CIC: variants seen among roughly 807,000 people sequenced by gnomAD.
The protein encoded by CIC is protein capicua homolog.
CIC carries 18 observed loss-of-function variants against 115.7 expected under a neutral mutation model. The observed-to-expected ratio is 0.16, with a 90% CI of 0.11 to 0.23. CIC has a LOEUF of 0.23. Among genes scored for constraint, CIC ranks in the 10% least tolerant of loss-of-function variants. The pLI is 1.00. For synonymous variants in CIC, 1,076 were observed against 923.0 expected, an observed-to-expected ratio of 1.17 and a Z score of -3.01; for missense variants, 2,000 against 2,159.3, an observed-to-expected ratio of 0.93 and a Z score of 1.46.
rs1173528428 is a variant in CIC, at chr19:42,290,339, T to C, written c.4298T>C (p.Phe1433Ser). The C allele has an allele frequency of 6.2e-7, 1 of 1,613,964 alleles. No individual in the cohort carries two copies. Among genetic ancestry groups the C allele is most frequent in the Non-Finnish European group, 8.5e-7 (1 of 1,179,968 alleles). ...GGGCCCCCGGATCCTCCTGTAGCCT[T>C]TGGCAAAGGCTATGGTTCCGCCCCA... is the stretch of plus-strand genomic sequence containing the variant. ...PPGPPDPPVA[F>S]GKGYGSAPSS... is the part of the protein sequence containing the mutation. The change falls in exon 11 of 21, where the codon TTT (phenylalanine) becomes TCT (serine). Residue 1433 changes from phenylalanine (F) to serine (S), a missense_variant. This residue lies in a region of CIC where 1,466 missense variants were observed against 1,390.4 expected (regional missense o/e 1.05). Coordinates refer to ENST00000681038, the MANE Select transcript of CIC (RefSeq NM_001386298.1).
chr19:42,285,708 C>A (rs746234258), intron 2 of CIC, among the ~76,000 whole-genome samples: 19 of 152,200 alleles, frequency 1.2e-4, no homozygotes, highest in Admixed American at 1.2e-3. Flanking sequence ...GGGCCTCTCT[C>A]CTCTGCTGGT....
rs924758981 is a variant in CIC at position 42,292,969 on chromosome 19, C to T, written c.6210C>T (p.Thr2070=). The T allele has an allele frequency of 4.3e-6, 7 of 1,613,864 alleles. No individual in the cohort carries two copies. Among genetic ancestry groups the T allele is most frequent in the Non-Finnish European group, 5.9e-6 (7 of 1,180,026 alleles). Residue 2070 remains threonine (T), a synonymous_variant, in exon 16 of 21, where the codon ACC becomes ACT. Transcript: ENST00000681038. ...TCTCCCCACTAGCAGGTTCCATGAC[C>T]TACAGCTTAGTGGCCCCCAAGGCCC... is the stretch of plus-strand genomic sequence containing the variant. ...PFPSATAGSM[T]YSLVAPKAQR...
Position 42,295,284 on chromosome 19 carries a change from C to A in CIC, c.*93C>A. 8.7e-7 allele frequency: 1 copy of A among 1,155,402 alleles called. No individual in the cohort carries two copies. Among genetic ancestry groups the A allele is most frequent in the Non-Finnish European group, 1.2e-6 (1 of 813,218 alleles). 71.6% of individuals were successfully genotyped at this position (1,155,402 alleles called of 1,614,324 possible). A position where few individuals can be genotyped will look rare whatever the true frequency, so the allele number is the denominator to read the frequency against. On this transcript the variant is annotated 3_prime_UTR_variant, in exon 21 of 21. Transcript: ENST00000681038. The stretch of plus-strand genomic sequence containing the variant: ...AAGGTTATCTCCTCCCGGGTAAAGC[C>A]ATTTCGTCCTCTCCAGTTTGGGGCG...
At chr19:42,288,792 C>G in intron 7 of CIC, 96 bp from the exon 8 acceptor site, 1 of 1,125,792 alleles carries the variant, frequency 8.9e-7, no homozygotes, top group Non-Finnish European at 1.3e-6. Flanking sequence ...CAGCCTGCTT[C>G]TGCCTAGTAC....
chr19:42,290,507 G>T lies in CIC; in HGVS notation c.4466G>T (p.Gly1489Val), dbSNP rs1480009243. ...PLRPPPPGAG[G>V]PATPSKATRF... ...CGGCCCCCACCCCCTGGGGCTGGGG[G>T]TCCAGCGACACCTTCCAAGGCAACC... Residue 1489 changes from glycine to valine, a missense_variant, in exon 11 of 21, where the codon GGT (glycine) becomes GTT (valine). Gly to Val is a moderately radical substitution (Grantham distance 109, BLOSUM62 -3). Coordinates refer to ENST00000681038, the MANE Select transcript of CIC (RefSeq NM_001386298.1). 4 of 1,613,472 alleles carry T rather than the reference G, an allele frequency of 2.5e-6. No homozygotes were observed. Among genetic ancestry groups the T allele is most frequent in the East Asian group, 2.2e-5 (1 of 44,866 alleles).
rs2036833463 is a variant in CIC, at chr19:42,272,713, A to C, written c.930A>C (p.Leu310=). ...CTGGCCCCAGCTCCCAGCCAGGCCTACCAGGCAGCCTCCCGCAGCCCCCAC... is the reference window on the plus strand; with the variant it reads ...CTGGCCCCAGCTCCCAGCCAGGCCTCCCAGGCAGCCTCCCGCAGCCCCCAC... ...LSPGPSSQPG[L]PGSLPQPPQP... is the part of the protein sequence containing the mutation. The change falls in exon 2 of 21, where the codon CTA becomes CTC. Residue 310 remains leucine, a synonymous_variant. Coordinates refer to ENST00000681038, the MANE Select transcript of CIC (RefSeq NM_001386298.1). The C allele has an allele frequency of 1.0e-5, 4 of 398,668 alleles. No homozygotes were observed. The highest frequency in any genetic ancestry group is 1.8e-5 in the Non-Finnish European group (4 of 226,282). The allele number at this position is 398,668 out of a possible 1,614,324, so 24.7% of individuals were successfully genotyped here.
chr19:42,289,987 T>G, intron 10 of CIC, 36 bp downstream of exon 10: 1 of 1,525,128 alleles, frequency 6.6e-7, no homozygotes, highest in South Asian at 1.2e-5. Context: ...CCCATCACAC[T>G]CCCTCCTAAG....
Position 42,295,143 on chromosome 19 carries a change from G to GGGGGGCCCCCCCCCCC in CIC, c.7506_7507insGGGGGCCCCCCCCCCC (p.Pro2503GlyfsTer25). Reference sequence around the variant, plus strand: ...AGCCTGGCTGGGAGGGGGCTCCCCAGCCCTCCCCCCCACCCCCAGGTCCCT... The same window carrying GGGGGGCCCCCCCCCCC: ...AGCCTGGCTGGGAGGGGGCTCCCCAGGGGGGCCCCCCCCCCCCCCTCCCCCCCACCCCCAGGTCCCT... On this transcript the variant is annotated frameshift_variant, in exon 21 of 21. Transcript: ENST00000681038. LOFTEE classifies it high-confidence loss of function. The GGGGGGCCCCCCCCCCC allele has an allele frequency of 1.8e-5, 25 of 1,382,622 alleles. No homozygotes were observed. The highest frequency in any genetic ancestry group is 2.4e-4 in the Middle Eastern group (1 of 4,116). The allele number at this position is 1,382,622 out of a possible 1,614,324, so 85.6% of individuals were successfully genotyped here. A position where few individuals can be genotyped will look rare whatever the true frequency, so the allele number is the denominator to read the frequency against.
In CIC at chr19:42,272,023, G is replaced by A; in HGVS notation, c.240G>A (p.Leu80=). The change falls in exon 2 of 21, where the codon CTG becomes CTA. Residue 80 remains leucine (L), a synonymous_variant. Coordinates refer to ENST00000681038, the MANE Select transcript of CIC (RefSeq NM_001386298.1). ...GPGAEGPPLE[L]HPGDPAPGPA... ...GGGCTGAAGGTCCTCCACTGGAGCT[G>A]CACCCTGGCGACCCGGCTCCAGGCC... 2.5e-6 allele frequency: 1 copy of A among 398,970 alleles called. No homozygotes were observed. The highest frequency in any genetic ancestry group is 4.4e-6 in the Non-Finnish European group (1 of 226,260). The allele number at this position is 398,970 out of a possible 1,614,324, so 24.7% of individuals were successfully genotyped here. A position where few individuals can be genotyped will look rare whatever the true frequency, so the allele number is the denominator to read the frequency against.
intron 9 of CIC, among the ~76,000 whole-genome samples, 165 bp from the exon 10 acceptor site, chr19:42,289,683 C>T (rs1182037493): frequency 6.6e-6 from 1 of 152,156 alleles, no homozygotes; most frequent in Non-Finnish European, 1.5e-5. Flanking sequence ...CTGCACTGGG[C>T]AGTGGGCACT....
Position 42,294,928 on chromosome 19 carries a change from G to T in CIC, c.7291G>T (p.Ala2431Ser). 1 of 1,600,406 alleles carries T rather than the reference G, an allele frequency of 6.2e-7. No individual in the cohort carries two copies. The highest frequency in any genetic ancestry group is 8.5e-7 in the Non-Finnish European group (1 of 1,179,932). ...REVRQKIMQA[A>S]TPTEQPPGAE... ...GGTGCGCCAGAAGATCATGCAGGCT[G>T]CCACTCCCACGGAGCAGCCCCCTGG... Residue 2431 changes from alanine to serine, a missense_variant, in exon 21 of 21, where the codon GCC becomes TCC. By Grantham distance (99) the Ala-to-Ser change is moderately conservative (BLOSUM62 1). Coordinates refer to ENST00000681038, the MANE Select transcript of CIC (RefSeq NM_001386298.1).
At chr19:42,291,875 C>G (rs1452411197) in intron 12 of CIC, 130 bp downstream of exon 12, 1 of 1,321,898 alleles carries the variant, frequency 7.6e-7, no homozygotes, top group Non-Finnish European at 1.1e-6. Context: ...TCCGTGATGT[C>G]TCTGTGCATC....
chr19:42,268,598 AGTCGGGGCCCTGG>A (rs1343494046), upstream of CIC: 3 of 152,216 alleles, frequency 2.0e-5, no homozygotes, highest in African/African-American at 4.8e-5. Context: ...AATACGGGTG[AGTCGGGGCCCTGG>A]GTCTAAGATA....
chr19:42,287,366 G>A lies in CIC; in HGVS notation c.3226G>A (p.Gly1076Arg), dbSNP rs772636832. 4 of 1,613,940 alleles carry A rather than the reference G, an allele frequency of 2.5e-6. No individual in the cohort carries two copies. Among genetic ancestry groups the A allele is most frequent in the African/African-American group, 1.3e-5 (1 of 74,896 alleles). ...TGAGATCCAGTTGCCTCTACCGCCCGGAAAACGTCGGACCCAGTCCCTCAG... is the reference window on the plus strand; with the variant it reads ...TGAGATCCAGTTGCCTCTACCGCCCAGAAAACGTCGGACCCAGTCCCTCAG... ...SPEIQLPLPP[G>R]KRRTQSLSAL... is the part of the protein sequence containing the mutation. Residue 1076 changes from glycine (G) to arginine (R), a missense_variant, in exon 5 of 21, where the codon GGA becomes AGA. Gly to Arg is a moderately radical substitution (Grantham distance 125). Around this residue, in one of 8 missense-constraint regions of CIC, gnomAD observed 222 missense variants for 247.7 expected, o/e 0.90. Coordinates refer to ENST00000681038, the MANE Select transcript of CIC (RefSeq NM_001386298.1). The surrounding 1 kb of genome is among the most constrained non-coding windows in gnomAD (Gnocchi z 8.7).
rs199995606 is a variant in CIC, at chr19:42,292,999, G to A, written c.6240G>A (p.Arg2080=). The A allele has an allele frequency of 1.2e-6, 2 of 1,613,466 alleles. No individual in the cohort carries two copies. The highest frequency in any genetic ancestry group is 1.7e-5 in the Admixed American group (1 of 60,002). Residue 2080 remains arginine (R), a synonymous_variant, in exon 16 of 21, where the codon CGG becomes CGA. Coordinates refer to ENST00000681038, the MANE Select transcript of CIC (RefSeq NM_001386298.1). ...GCTTAGTGGCCCCCAAGGCCCAGCG[G>A]CCCAGCCCGAAGGCCCCCCAGAAAG... ...TYSLVAPKAQ[R]PSPKAPQKVK...
chr19:42,284,751 C>A (rs1449063109), intron 2 of CIC: 1 of 1,557,126 alleles, frequency 6.4e-7, no homozygotes, highest in African/African-American at 1.4e-5. Context: ...AGCGCGGCCT[C>A]CCGTGGCCTC....
At chr19:42,291,959 C>T (rs2038153310) in intron 12 of CIC, 127 bp from the exon 13 acceptor site, 3 of 1,434,272 alleles carry the variant, frequency 2.1e-6, no homozygotes, top group African/African-American at 1.4e-5. Flanking sequence ...TCATCTTGCC[C>T]ATCCTGTTCT....
In CIC at chr19:42,288,975, G is replaced by A. The variant is rs767142293; in HGVS notation, c.3746G>A (p.Arg1249Gln). The A allele has an allele frequency of 3.7e-6, 6 of 1,614,006 alleles. No individual in the cohort carries two copies. The highest frequency in any genetic ancestry group is 5.1e-6 in the Non-Finnish European group (6 of 1,180,028). Residue 1249 changes from arginine to glutamine, a missense_variant, in exon 8 of 21, where the codon CGG (arginine) becomes CAG (glutamine). By Grantham distance (43) the Arg-to-Gln change is conservative. This residue lies in a region of CIC where 1,466 missense variants were observed against 1,390.4 expected (regional missense o/e 1.05). Coordinates refer to ENST00000681038, the MANE Select transcript of CIC (RefSeq NM_001386298.1). ...APGSSSCGAERLHTVGGPGSA... is the reference protein window; with the variant it reads ...APGSSSCGAEQLHTVGGPGSA... ...GGGAGCAGCTCCTGTGGGGCAGAAC[G>A]GCTACACACAGTTGGGGGACCTGGC...
intron 17 of CIC, 25 bp from the exon 18 acceptor site, chr19:42,293,910 G>A (rs951502570): frequency 6.2e-7 from 1 of 1,612,870 alleles, no homozygotes; most frequent in Non-Finnish European, 8.5e-7. Flanking sequence ...CTGAGGCGGG[G>A]GAGGTGACCC....
Sources: allele counts gnomAD v4.1 joint callset (sites outside exome capture counted in the v4.1 genomes callset), GRCh38; gene constraint gnomAD v4.1.1; regional missense constraint gnomAD v4.1.1; non-coding constraint Gnocchi (gnomAD v3.1); transcripts MANE v1.5; gene names NCBI Gene and HGNC (gene_info 2026-07-23, HGNC 2026-07-21).